TRAF3IP1: variants seen among roughly 807,000 people sequenced by gnomAD.
TRAF3IP1 encodes the protein intraflagellar transport 54.
In TRAF3IP1, 53 loss-of-function variants were observed where a neutral mutation model predicts 89.9. The observed-to-expected ratio is 0.59, with a 90% CI of 0.47 to 0.74. TRAF3IP1 has a LOEUF of 0.74. TRAF3IP1 is among the 30% of genes least tolerant of loss of function. TRAF3IP1 has a pLI of 0.00. For synonymous variants in TRAF3IP1, 311 were observed against 322.1 expected (o/e 0.97, Z 0.37); for missense variants, 806 against 866.1 (o/e 0.93, Z 0.87).
intron 15 of TRAF3IP1, among the ~76,000 whole-genome samples, chr2:238,385,696 A>G (rs1298055184): frequency 1.3e-5 from 2 of 152,210 alleles, no homozygotes; most frequent in African/African-American, 4.8e-5. Context: ...GTCTGTTTGT[A>G]CAGTATTCTT....
intron 15 of TRAF3IP1, among the ~76,000 whole-genome samples, chr2:238,375,031 T>C (rs978680535): frequency 6.6e-5 from 10 of 152,214 alleles, no homozygotes; most frequent in Non-Finnish European, 1.3e-4. Flanking sequence ...TTCTTCTTTA[T>C]TAGTCTTGCT....
At chr2:238,335,560 G>A (rs1183763182) in intron 7 of TRAF3IP1, among the ~76,000 whole-genome samples, 1 of 151,918 alleles carries the variant, frequency 6.6e-6, no homozygotes, top group Non-Finnish European at 1.5e-5. Context: ...AACTCTTCAT[G>A]ACTCAAGAAT....
chr2:238,321,840 T>G (rs906110446), intron 1 of TRAF3IP1, among the ~76,000 whole-genome samples: 15 of 152,216 alleles, frequency 9.9e-5, no homozygotes, highest in Admixed American at 2.6e-4. Context: ...CTGGTGATGG[T>G]CCTCAAGCTC....
chr2:238,356,365 C>T lies in TRAF3IP1; in HGVS notation c.1689+285C>T, dbSNP rs1429504090. On this transcript the variant is annotated intron_variant, in intron 15 of 16. Coordinates refer to ENST00000373327, the MANE Select transcript of TRAF3IP1 (RefSeq NM_015650.4). ...TACAAAAATTACCCGGGTGTGGTGG[C>T]GCATGCCTGTAGTCCCAGCTACTTG... 3.3e-5 allele frequency among the ~76,000 whole-genome samples: 5 copies of T among 152,064 alleles called. No homozygotes were observed. In the East Asian group the frequency reaches 5.8e-4, roughly 18 times the overall value.
rs758706689 is a variant in TRAF3IP1, at chr2:238,329,304, A to G, written c.877A>G (p.Arg293Gly). 3 of 1,446,320 alleles carry G rather than the reference A, an allele frequency of 2.1e-6. No homozygotes were observed. The highest frequency in any genetic ancestry group is 1.4e-5 in the African/African-American group (1 of 70,052). The allele number at this position is 1,446,320 out of a possible 1,614,324, so 89.6% of individuals were successfully genotyped here. A position where few individuals can be genotyped will look rare whatever the true frequency, so the allele number is the denominator to read the frequency against. Residue 293 changes from arginine (R) to glycine (G), a missense_variant, in exon 5 of 17, where the codon AGG (arginine) becomes GGG (glycine). Arg to Gly is a moderately radical substitution (Grantham distance 125). Transcript: ENST00000373327. ...KNGEHSWDLD[R>G]EKNREHDKPE... ...CGGGGAGCACTCCTGGGACCTGGAC[A>G]GGGAGAAGAACAGAGAGCATGACAA...
intron 15 of TRAF3IP1, among the ~76,000 whole-genome samples, chr2:238,390,870 G>C (rs13422422): frequency 0.11 from 16,939 of 152,046 alleles, 1,557 homozygotes; most frequent in African/African-American, 0.25. Context: ...ACTGACTGCG[G>C]GTCCTGCTGC....
At chr2:238,343,646 C>CTT (rs34626636) in intron 8 of TRAF3IP1, among the ~76,000 whole-genome samples, 7 of 113,432 alleles carry the variant, frequency 6.2e-5, no homozygotes, top group Admixed American at 1.9e-4. Flanking sequence ...TGTGCTTGGC[C>CTT]TTTTTTTTTT....
chr2:238,325,300 T>C lies in TRAF3IP1; in HGVS notation c.124-6T>C, dbSNP rs1017902907. The C allele has an allele frequency of 5.6e-6, 9 of 1,614,016 alleles. No individual in the cohort carries two copies. The African/African-American group carries it at 6.7e-5, about 12-fold the overall frequency. ...TGACATGGTGGCCTTTCTTTCTCTCTTGAAGGTGATTAGAATGACTGGTTT... is the reference window on the plus strand; with the variant it reads ...TGACATGGTGGCCTTTCTTTCTCTCCTGAAGGTGATTAGAATGACTGGTTT... On this transcript the variant is annotated splice_polypyrimidine_tract_variant and splice_region_variant and intron_variant, in intron 1 of 16. Transcript: ENST00000373327.
intron 14 of TRAF3IP1, 28 bp from the exon 15 acceptor site, chr2:238,355,976 T>G: frequency 6.3e-7 from 1 of 1,580,182 alleles, no homozygotes; most frequent in Non-Finnish European, 8.7e-7. Flanking sequence ...AATAAACTTT[T>G]AACATAAAAT....
In TRAF3IP1 at chr2:238,400,013, A is replaced by G. The variant is rs1055764329; in HGVS notation, c.*1094A>G. On this transcript the variant is annotated 3_prime_UTR_variant, in exon 17 of 17. Coordinates refer to ENST00000373327, the MANE Select transcript of TRAF3IP1 (RefSeq NM_015650.4). ...TATGGGTCTTGAGGTCTGGGTCCTAATACTTTTAAATAGTGTATTTATTAT... is the reference window on the plus strand; with the variant it reads ...TATGGGTCTTGAGGTCTGGGTCCTAGTACTTTTAAATAGTGTATTTATTAT... The G allele has an allele frequency of 6.6e-6, 1 of 152,050 alleles. No individual in the cohort carries two copies. The allele number at this position is 152,050 out of a possible 1,614,324, so 9.4% of individuals were successfully genotyped here.
At chr2:238,335,774 A>T (rs1474858170) in intron 7 of TRAF3IP1, among the ~76,000 whole-genome samples, 1 of 33,932 alleles carries the variant, frequency 2.9e-5, no homozygotes, top group African/African-American at 7.0e-5. Flanking sequence ...TATTTTATTT[A>T]TTTATTTATT....
rs1698686774 is a variant in TRAF3IP1, at chr2:238,342,086, T to G, written c.1160-2411T>G. Among the ~76,000 whole-genome samples the G allele has an allele frequency of 2.0e-5, 3 of 152,254 alleles. No individual in the cohort carries two copies. The South Asian group carries it at 6.2e-4, about 32-fold the overall frequency. ...TCACTGCAACCTCCACCTCCTAGGT[T>G]CAGGGGATTCTCATGTCTCAGCCTC... On this transcript the variant is annotated intron_variant, in intron 8 of 16. Transcript: ENST00000373327.
At chr2:238,350,382 G>A (rs1485063259) in intron 12 of TRAF3IP1, among the ~76,000 whole-genome samples, 4 of 152,114 alleles carry the variant, frequency 2.6e-5, no homozygotes, top group Non-Finnish European at 4.4e-5. Flanking sequence ...AGGTGGAGTC[G>A]GCACATGGTG....
chr2:238,382,454 G>A (rs567804976), intron 15 of TRAF3IP1, among the ~76,000 whole-genome samples: 29 of 152,286 alleles, frequency 1.9e-4, no homozygotes, highest in African/African-American at 6.0e-4. Flanking sequence ...AAAATTTCAC[G>A]ATTGTAAAGG....
In TRAF3IP1 at chr2:238,393,842, G is replaced by C. The variant is rs139286598; in HGVS notation, c.1690-3617G>C. ...GTATGGATCTACTTTTGGATTCTGT[G>C]TTCTGTTCATTTGATCTATGTCCCT... is the stretch of plus-strand genomic sequence containing the variant. On this transcript the variant is annotated intron_variant, in intron 15 of 16. Coordinates refer to ENST00000373327, the MANE Select transcript of TRAF3IP1 (RefSeq NM_015650.4). Among the ~76,000 whole-genome samples, 257 of 152,274 alleles carry C rather than the reference G, an allele frequency of 1.7e-3. 3 individuals are homozygous for C. Among genetic ancestry groups the C allele is most frequent in the African/African-American group, 5.9e-3 (246 of 41,544 alleles).
At chr2:238,381,154 T>C (rs900579284) in intron 15 of TRAF3IP1, among the ~76,000 whole-genome samples, 2 of 150,802 alleles carry the variant, frequency 1.3e-5, no homozygotes, top group Admixed American at 6.6e-5. Flanking sequence ...TTTTTTTTTT[T>C]CAGAATTCTG....
In TRAF3IP1 at chr2:238,349,347, G is replaced by T. The variant is rs1268900484; in HGVS notation, c.1390G>T (p.Ala464Ser). 8 of 1,614,140 alleles carry T rather than the reference G, an allele frequency of 5.0e-6. No homozygotes were observed. The highest frequency in any genetic ancestry group is 6.8e-6 in the Non-Finnish European group (8 of 1,180,018). Residue 464 changes from alanine (A) to serine (S), a missense_variant, in exon 12 of 17, where the codon GCA (alanine) becomes TCA (serine). Around this residue, in one of 3 missense-constraint regions of TRAF3IP1, gnomAD observed 732 missense variants for 780.5 expected, o/e 0.94. Coordinates refer to ENST00000373327, the MANE Select transcript of TRAF3IP1 (RefSeq NM_015650.4). ...NIRRIPRPGS[A>S]RPAPPRVKRQ... ...TAGAAGAATTCCTCGGCCTGGGAGT[G>T]CAAGACCAGCCCCTCCCCGGGTCAA...
At chr2:238,333,636 T>G (rs577055680) in intron 6 of TRAF3IP1, among the ~76,000 whole-genome samples, 1 of 152,310 alleles carries the variant, frequency 6.6e-6, no homozygotes, top group East Asian at 1.9e-4. Context: ...TTTAAGTAAT[T>G]AAGTATATAG....
chr2:238,332,011 G>T (rs1247283729), intron 5 of TRAF3IP1, among the ~76,000 whole-genome samples: 4 of 152,166 alleles, frequency 2.6e-5, no homozygotes, highest in African/African-American at 7.2e-5. Flanking sequence ...CAGTTGAGAG[G>T]CCAGGTGCTA....
Sources: allele counts gnomAD v4.1 joint callset (sites outside exome capture counted in the v4.1 genomes callset), GRCh38; gene constraint gnomAD v4.1.1; regional missense constraint gnomAD v4.1.1; transcripts MANE v1.5; gene names NCBI Gene and HGNC (gene_info 2026-07-23, HGNC 2026-07-21).